IFTAP: variants seen among roughly 807,000 people sequenced by gnomAD.
IFTAP encodes the protein intraflagellar transport associated protein.
In IFTAP, 19 loss-of-function variants were observed where a neutral mutation model predicts 19.4. The observed-to-expected ratio is 0.98, with a 90% CI of 0.68 to 1.44. IFTAP has a LOEUF of 1.44. Ranked by LOEUF, IFTAP falls within the 40% of genes most tolerant of loss-of-function variation. The pLI is 0.00. For missense variants in IFTAP, 240 were observed against 253.6 expected, an observed-to-expected ratio of 0.95 and a Z score of 0.36; for synonymous variants, 85 against 83.5, an observed-to-expected ratio of 1.02 and a Z score of -0.10.
At chr11:36,597,332 T>A (rs1165277961) in intron 1 of IFTAP, among the ~76,000 whole-genome samples, 1 of 152,216 alleles carries the variant, frequency 6.6e-6, no homozygotes, top group Non-Finnish European at 1.5e-5. Flanking sequence ...ATACTATATC[T>A]AAAATAACCT....
In IFTAP at chr11:36,594,540, G is replaced by T; in HGVS notation, c.-76G>T. The T allele has an allele frequency of 3.7e-6, 1 of 271,492 alleles. No individual in the cohort carries two copies. The highest frequency in any genetic ancestry group is 7.1e-6 in the Non-Finnish European group (1 of 141,148). The allele number at this position is 271,492 out of a possible 1,614,324, so 16.8% of individuals were successfully genotyped here. A position where few individuals can be genotyped will look rare whatever the true frequency, so the allele number is the denominator to read the frequency against. On this transcript the variant is annotated 5_prime_UTR_variant, in exon 1 of 6. Transcript: ENST00000334307. ...GTAGCTTTGGAAATCTGTCTTTGTT[G>T]CTCTGGGAGAGGGGACTCCTGGAAT...
At chr11:36,635,958 G>A (rs1282974793) in intron 3 of IFTAP, 93 bp from the exon 4 acceptor site, 4 of 796,012 alleles carry the variant, frequency 5.0e-6, no homozygotes, top group Non-Finnish European at 8.7e-6. Flanking sequence ...CAGCTGCTCA[G>A]TTAGGTGTTG....
At chr11:36,616,446 A>C (rs1202960784) in intron 2 of IFTAP, among the ~76,000 whole-genome samples, 2 of 151,886 alleles carry the variant, frequency 1.3e-5, no homozygotes, top group East Asian at 1.9e-4. Context: ...ATACTTGTTA[A>C]TATTTGAATT....
At chr11:36,641,732 G>A (rs1029598123) in intron 4 of IFTAP, among the ~76,000 whole-genome samples, 18 of 152,306 alleles carry the variant, frequency 1.2e-4, no homozygotes, top group African/African-American at 4.3e-4. Flanking sequence ...GTGTGGTGCT[G>A]AGAAGAATGT....
chr11:36,635,207 A>G (rs7124815), intron 3 of IFTAP, among the ~76,000 whole-genome samples: 23,474 of 152,160 alleles, frequency 0.15, 2,616 homozygotes, highest in African/African-American at 0.31. Context: ...ATGGTATTTT[A>G]TTATGCACAT....
chr11:36,618,847 G>A (rs1327018512), intron 2 of IFTAP, among the ~76,000 whole-genome samples: 1 of 152,022 alleles, frequency 6.6e-6, no homozygotes, highest in Non-Finnish European at 1.5e-5. Flanking sequence ...GAAACATCTG[G>A]AGTCAGGGAG....
intron 2 of IFTAP, among the ~76,000 whole-genome samples, chr11:36,624,805 A>G (rs1191388867): frequency 6.6e-6 from 1 of 152,078 alleles, no homozygotes; most frequent in Non-Finnish European, 1.5e-5. Context: ...CAGAGCAGAA[A>G]GATAGAAGCC....
At chr11:36,630,806 G>A (rs778057931) in intron 2 of IFTAP, among the ~76,000 whole-genome samples, 11 of 151,158 alleles carry the variant, frequency 7.3e-5, no homozygotes, top group Non-Finnish European at 1.5e-4. Flanking sequence ...GGATGAGCAG[G>A]GAAAACTGAA....
intron 5 of IFTAP, among the ~76,000 whole-genome samples, chr11:36,657,820 A>G (rs1854062099): frequency 1.3e-5 from 2 of 152,182 alleles, no homozygotes; most frequent in African/African-American, 2.4e-5. Context: ...CAAACTCACC[A>G]TGGAAACCCA....
intron 3 of IFTAP, among the ~76,000 whole-genome samples, chr11:36,635,086 G>A (rs1852887582): frequency 6.6e-6 from 1 of 152,156 alleles, no homozygotes; most frequent in Admixed American, 6.5e-5. Flanking sequence ...AGCAATGGCA[G>A]TACCATTTAA....
Position 36,659,090 on chromosome 11 carries a change from C to T in IFTAP, c.570C>T (p.Ser190=), listed in dbSNP as rs1854116205. ...EFDYDNVMLT[S]KFSPAEIENI... is the part of the protein sequence containing the mutation. ...ATTATGACAATGTGATGCTAACCTCCAAGTTTAGTCCTGCAGAGATAGAGA... is the reference window on the plus strand; with the variant it reads ...ATTATGACAATGTGATGCTAACCTCTAAGTTTAGTCCTGCAGAGATAGAGA... The change falls in exon 6 of 6, where the codon TCC becomes TCT. Residue 190 remains serine, a synonymous_variant. Coordinates refer to ENST00000334307, the MANE Select transcript of IFTAP (RefSeq NM_138787.4). The T allele has an allele frequency of 3.1e-6, 5 of 1,609,460 alleles. No individual in the cohort carries two copies. The highest frequency in any genetic ancestry group is 3.4e-6 in the Non-Finnish European group (4 of 1,177,736).
At chr11:36,610,408 A>T in intron 2 of IFTAP, among the ~76,000 whole-genome samples, 169 bp downstream of exon 2, 1 of 152,294 alleles carries the variant, frequency 6.6e-6, no homozygotes, top group East Asian at 1.9e-4. Flanking sequence ...GTTACTGATG[A>T]TATAAATACC....
At chr11:36,599,754 G>T (rs2133346336) in intron 1 of IFTAP, among the ~76,000 whole-genome samples, 1 of 152,078 alleles carries the variant, frequency 6.6e-6, no homozygotes, top group South Asian at 2.1e-4. Context: ...CTTCTGTGAT[G>T]ATTTTTTTAA....
intron 4 of IFTAP, among the ~76,000 whole-genome samples, chr11:36,643,414 C>T (rs1025444832): frequency 6.6e-6 from 1 of 152,124 alleles, no homozygotes; most frequent in African/African-American, 2.4e-5. Flanking sequence ...ATGAAAATGG[C>T]CATACTGCTC....
At chr11:36,609,159 T>G (rs1193482366) in intron 1 of IFTAP, among the ~76,000 whole-genome samples, 1 of 152,108 alleles carries the variant, frequency 6.6e-6, no homozygotes, top group East Asian at 1.9e-4. Flanking sequence ...CACAGATAAA[T>G]TAAGATTAAC....
chr11:36,614,282 T>C (rs1590206094), intron 2 of IFTAP, among the ~76,000 whole-genome samples: 1 of 146,864 alleles, frequency 6.8e-6, no homozygotes, highest in Admixed American at 6.8e-5. Context: ...TATTCCATGG[T>C]GTATATGTGC....
At chr11:36,608,375 T>G (rs1851766668) in intron 1 of IFTAP, among the ~76,000 whole-genome samples, 1 of 152,238 alleles carries the variant, frequency 6.6e-6, no homozygotes. Context: ...TGTTTACTCT[T>G]GTTTCAGATA....
At position 36,631,819 on chromosome 11, in the gene IFTAP, A is replaced by C. The variant is rs547710330; in HGVS notation, c.137-1465A>C. On this transcript the variant is annotated intron_variant, in intron 2 of 5. Transcript: ENST00000334307. ...TCTTTTACTCTTTTAGTGATCATTG[A>C]CGTAGGTTCCTGTACTTGCTGTTGT... Among the ~76,000 whole-genome samples the C allele has an allele frequency of 9.9e-5, 15 of 151,046 alleles. No homozygotes were observed. The East Asian group carries it at 1.5e-3, about 16-fold the overall frequency.
At chr11:36,617,964 A>G (rs370587576) in intron 2 of IFTAP, among the ~76,000 whole-genome samples, 1 of 152,034 alleles carries the variant, frequency 6.6e-6, no homozygotes, top group South Asian at 2.1e-4. Flanking sequence ...AACATTTATT[A>G]AGTTCTAGGG....
Sources: gnomAD v4.1 joint callset for allele counts (sites outside exome capture counted in the v4.1 genomes callset) on GRCh38, gnomAD v4.1.1 for gene constraint, MANE v1.5 for transcripts, NCBI Gene and HGNC (gene_info 2026-07-23, HGNC 2026-07-21) for gene names.